Variants in FHOD3 observed in about 807,000 individuals in gnomAD.
FHOD3 encodes the protein FH1/FH2 domain-containing protein 3.
In FHOD3, 90 loss-of-function variants were observed where a neutral mutation model predicts 173.0. The ratio of observed to expected loss-of-function variants is 0.52; its 90% CI spans 0.44 to 0.62. The LOEUF (loss-of-function observed/expected upper bound fraction) is 0.62, where lower values mean the gene tolerates loss of function less well. Among genes scored for constraint, FHOD3 ranks in the 20% least tolerant of loss-of-function variants. The pLI, the probability that FHOD3 is intolerant of heterozygous loss-of-function variation, is 0.00. For synonymous variants in FHOD3, 828 were observed against 823.0 expected (o/e 1.01, Z -0.10); for missense variants, 1,945 against 2,034.7 (o/e 0.96, Z 0.85).
chr18:36,448,731 G>C (rs1050800730), intron 3 of FHOD3, among the ~76,000 whole-genome samples: 2 of 61,128 alleles, frequency 3.3e-5, no homozygotes, highest in Admixed American at 3.7e-4. Context: ...GACAACTCAG[G>C]ATGGGAGCCT....
intron 8 of FHOD3, among the ~76,000 whole-genome samples, chr18:36,605,465 A>G (rs994251484): frequency 2.0e-5 from 3 of 152,150 alleles, no homozygotes; most frequent in African/African-American, 7.2e-5. Context: ...GTTCTTTCTC[A>G]TCCTTTGTTA....
At chr18:36,381,240 C>T (rs987480374) in intron 3 of FHOD3, among the ~76,000 whole-genome samples, 11 of 150,494 alleles carry the variant, frequency 7.3e-5, no homozygotes, top group African/African-American at 2.5e-4. Context: ...GTGTGGTTCA[C>T]AGATTGTCTT....
At chr18:36,386,478 C>G (rs1393021151) in intron 3 of FHOD3, among the ~76,000 whole-genome samples, 1 of 152,168 alleles carries the variant, frequency 6.6e-6, no homozygotes, top group Non-Finnish European at 1.5e-5. Flanking sequence ...ATTTCCGTGC[C>G]CGTTAGAGAC....
At chr18:36,406,521 C>T (rs187389475) in intron 3 of FHOD3, among the ~76,000 whole-genome samples, 1 of 152,140 alleles carries the variant, frequency 6.6e-6, no homozygotes, top group Admixed American at 6.5e-5. Context: ...GATGCAAATG[C>T]CTTTTACAGG....
In FHOD3 at chr18:36,779,453, A is replaced by G; in HGVS notation, c.4792A>G (p.Arg1598Gly). ...GACCTGCACCACCACTGCAGTGCGA[A>G]GAACCCTGAAGAGCGGCCTGACCCC... is the stretch of plus-strand genomic sequence containing the variant. ...RSRANRKSLR[R>G]TLKSGLTPEE... Residue 1598 changes from arginine (R) to glycine (G), a missense_variant, in exon 29 of 29, where the codon AGA (arginine) becomes GGA (glycine). By Grantham distance (125) the Arg-to-Gly change is moderately radical. Around this residue, in one of 5 missense-constraint regions of FHOD3, gnomAD observed 354 missense variants for 359.9 expected, o/e 0.98. Coordinates refer to ENST00000590592, the MANE Select transcript of FHOD3 (RefSeq NM_001281740.3). 1 of 1,614,176 alleles carries G rather than the reference A, an allele frequency of 6.2e-7. No individual in the cohort carries two copies. The highest frequency in any genetic ancestry group is 8.5e-7 in the Non-Finnish European group (1 of 1,180,026).
At chr18:36,619,538 T>G (rs965396587) in intron 9 of FHOD3, among the ~76,000 whole-genome samples, 1 of 152,230 alleles carries the variant, frequency 6.6e-6, no homozygotes, top group Non-Finnish European at 1.5e-5. Context: ...ATTCCTGTGA[T>G]CATTTCCTTA....
intron 20 of FHOD3, 46 bp from the exon 21 acceptor site, chr18:36,740,610 G>T (rs1287858581): frequency 2.0e-6 from 3 of 1,482,338 alleles, no homozygotes; most frequent in African/African-American, 1.4e-5. Flanking sequence ...GACAGGGGAG[G>T]GTCCATCACT....
chr18:36,490,213 C>A (rs2054397360), intron 3 of FHOD3, among the ~76,000 whole-genome samples: 1 of 152,142 alleles, frequency 6.6e-6, no homozygotes, highest in Admixed American at 6.5e-5. Flanking sequence ...TTTGAAACAG[C>A]ATTTTGATCT....
intron 19 of FHOD3, among the ~76,000 whole-genome samples, chr18:36,719,852 CAGG>C (rs2040662307): frequency 6.6e-6 from 1 of 152,130 alleles, no homozygotes; most frequent in Non-Finnish European, 1.5e-5. Flanking sequence ...ACAGGCCAGC[CAGG>C]GGAGCTGTAG....
intron 6 of FHOD3, among the ~76,000 whole-genome samples, chr18:36,579,898 GGGA>G (rs1473617226): frequency 2.6e-5 from 4 of 151,940 alleles, no homozygotes; most frequent in African/African-American, 9.7e-5. Flanking sequence ...ATAGAAAAGA[GGGA>G]GGAGAAGGAC....
intron 1 of FHOD3, among the ~76,000 whole-genome samples, chr18:36,308,553 G>C (rs1332573226): frequency 6.6e-6 from 1 of 152,134 alleles, no homozygotes; most frequent in Non-Finnish European, 1.5e-5. Flanking sequence ...TACCCATTTT[G>C]AAGAACAAAA....
intron 14 of FHOD3, among the ~76,000 whole-genome samples, chr18:36,672,956 A>C (rs1170220710): frequency 6.6e-6 from 1 of 152,112 alleles, no homozygotes; most frequent in Non-Finnish European, 1.5e-5. Flanking sequence ...TGAAAAATCT[A>C]GTATATTTTA....
rs1458680583 is a variant in FHOD3 at position 36,594,773 on chromosome 18, A to G, written c.607-14A>G. 11 of 1,600,290 alleles carry G rather than the reference A, an allele frequency of 6.9e-6. No homozygotes were observed. The highest frequency in any genetic ancestry group is 1.3e-5 in the African/African-American group (1 of 74,570). On this transcript the variant is annotated splice_polypyrimidine_tract_variant and intron_variant, in intron 6 of 28. Coordinates refer to ENST00000590592, the MANE Select transcript of FHOD3 (RefSeq NM_001281740.3). ...TTGTTGGCAGTGATGTGATGGTTTT[A>G]TCTCTTCTGCCAGTTCCGCCTGGTG... is the stretch of plus-strand genomic sequence containing the variant.
intron 1 of FHOD3, among the ~76,000 whole-genome samples, chr18:36,299,658 A>T (rs2091905031): frequency 1.3e-5 from 2 of 152,160 alleles, no homozygotes; most frequent in South Asian, 4.1e-4. Context: ...GAAAATCCTG[A>T]TGCTCCTCCA....
chr18:36,720,896 A>G (rs1019288017), intron 19 of FHOD3, among the ~76,000 whole-genome samples: 2 of 152,088 alleles, frequency 1.3e-5, no homozygotes, highest in African/African-American at 4.8e-5. Context: ...CCCTTGACTC[A>G]GTATTGGGAG....
intron 15 of FHOD3, among the ~76,000 whole-genome samples, chr18:36,685,227 C>A (rs1161210229): frequency 1.3e-5 from 2 of 152,192 alleles, no homozygotes; most frequent in African/African-American, 2.4e-5. Context: ...CTCTTGATTT[C>A]AAGTGATTCT....
At position 36,297,922 on chromosome 18, in the gene FHOD3, G is replaced by T; in HGVS notation, c.87G>T (p.Pro29=). 6.4e-7 allele frequency: 1 copy of T among 1,562,770 alleles called. No individual in the cohort carries two copies. The highest frequency in any genetic ancestry group is 8.7e-7 in the Non-Finnish European group (1 of 1,155,020). ...STNFPEPSRP[P]LFTFREDLAL... is the part of the protein sequence containing the mutation. Reference sequence around the variant, plus strand: ...ACTTCCCCGAGCCCAGCCGGCCGCCGCTGTTCACGTTCCGCGAGGACCTCG... The same window carrying T: ...ACTTCCCCGAGCCCAGCCGGCCGCCTCTGTTCACGTTCCGCGAGGACCTCG... The change falls in exon 1 of 29, where the codon CCG becomes CCT. Residue 29 remains proline, a synonymous_variant. Coordinates refer to ENST00000590592, the MANE Select transcript of FHOD3 (RefSeq NM_001281740.3).
chr18:36,474,986 TACACACAC>T lies in FHOD3; in HGVS notation c.338-26905_338-26898del, dbSNP rs3056805. ...TTTGAAGAGGTTGAAAATACACACA[TACACACAC>T]ACACACACACACACACACACACACA... is the stretch of plus-strand genomic sequence containing the variant. On this transcript the variant is annotated intron_variant, in intron 3 of 28. Coordinates refer to ENST00000590592, the MANE Select transcript of FHOD3 (RefSeq NM_001281740.3). 5.5e-3 allele frequency among the ~76,000 whole-genome samples: 594 copies of T among 108,098 alleles called. 6 individuals are homozygous for T. The highest frequency in any genetic ancestry group is 0.018 in the African/African-American group (528 of 28,712). 70.9% of individuals were successfully genotyped at this position (108,098 alleles called of 152,430 possible).
intron 10 of FHOD3, among the ~76,000 whole-genome samples, chr18:36,644,093 C>G (rs1213148491): frequency 6.6e-6 from 1 of 152,124 alleles, no homozygotes; most frequent in African/African-American, 2.4e-5. Flanking sequence ...GCTTTTCCAA[C>G]TTGAAAACGG....
Sources: allele counts gnomAD v4.1 joint callset (sites outside exome capture counted in the v4.1 genomes callset), GRCh38; gene constraint gnomAD v4.1.1; regional missense constraint gnomAD v4.1.1; transcripts MANE v1.5; gene names NCBI Gene and HGNC (gene_info 2026-07-23, HGNC 2026-07-21).